Variants in NELL1 observed in about 807,000 individuals in gnomAD.
The protein encoded by NELL1 is protein kinase C-binding protein NELL1.
NELL1 carries 76 observed loss-of-function variants against 107.4 expected under a neutral mutation model. The ratio of observed to expected loss-of-function variants is 0.71; its 90% CI spans 0.59 to 0.86. The LOEUF (loss-of-function observed/expected upper bound fraction) is 0.86. Ranked by LOEUF, NELL1 falls within the 40% of genes least tolerant of loss-of-function variation. NELL1 has a pLI of 0.00. For synonymous variants in NELL1, 353 were observed against 341.2 expected, an observed-to-expected ratio of 1.03 and a Z score of -0.38; for missense variants, 1,024 against 1,005.5, an observed-to-expected ratio of 1.02 and a Z score of -0.25.
intron 14 of NELL1, among the ~76,000 whole-genome samples, chr11:21,364,563 T>C (rs1052311382): frequency 2.6e-5 from 4 of 152,136 alleles, no homozygotes; most frequent in African/African-American, 9.7e-5. Flanking sequence ...TTATAAATGA[T>C]ATAGAATAGA....
chr11:21,445,412 C>T (rs777690964), intron 15 of NELL1, among the ~76,000 whole-genome samples: 7 of 152,150 alleles, frequency 4.6e-5, no homozygotes, highest in Admixed American at 2.6e-4. Flanking sequence ...CCACAACCTC[C>T]GCCTCCCAGG....
At chr11:20,757,269 C>T (rs1054914001) in intron 2 of NELL1, among the ~76,000 whole-genome samples, 1 of 151,796 alleles carries the variant, frequency 6.6e-6, no homozygotes, top group Non-Finnish European at 1.5e-5. Flanking sequence ...CCACTATTTC[C>T]AAAATTTTTT....
chr11:21,027,432 C>A (rs1050184732), intron 12 of NELL1, among the ~76,000 whole-genome samples: 2 of 151,872 alleles, frequency 1.3e-5, no homozygotes, highest in African/African-American at 4.8e-5. Context: ...TGATTATTAA[C>A]AAAGGTAAAT....
At chr11:20,718,590 G>C (rs2133905377) in intron 2 of NELL1, among the ~76,000 whole-genome samples, 1 of 152,238 alleles carries the variant, frequency 6.6e-6, no homozygotes, top group South Asian at 2.1e-4. Flanking sequence ...TTGCTCTCAA[G>C]GGTCTTCCTC....
chr11:21,481,720 T>G (rs958945351), intron 15 of NELL1, among the ~76,000 whole-genome samples: 2 of 152,216 alleles, frequency 1.3e-5, no homozygotes, highest in African/African-American at 4.8e-5. Context: ...TCACAGCATC[T>G]GCTGCTGACT....
intron 13 of NELL1, among the ~76,000 whole-genome samples, chr11:21,147,166 C>A (rs976948874): frequency 4.6e-5 from 7 of 152,118 alleles, no homozygotes; most frequent in African/African-American, 1.7e-4. Flanking sequence ...GATAGTAGTT[C>A]CGTGGGGGAT....
intron 11 of NELL1, among the ~76,000 whole-genome samples, chr11:20,947,801 G>T (rs1850994421): frequency 1.3e-5 from 2 of 152,046 alleles, no homozygotes; most frequent in Admixed American, 1.3e-4. Flanking sequence ...GAGTGAGATT[G>T]GGAAGCATTC....
intron 13 of NELL1, among the ~76,000 whole-genome samples, chr11:21,135,165 A>C (rs1461990008): frequency 3.3e-5 from 5 of 152,202 alleles, no homozygotes; most frequent in African/African-American, 1.2e-4. Context: ...TCTTAAACTC[A>C]CAGAGTTCCT....
intron 12 of NELL1, among the ~76,000 whole-genome samples, chr11:21,110,012 T>G (rs1003307027): frequency 6.6e-6 from 1 of 152,128 alleles, no homozygotes; most frequent in African/African-American, 2.4e-5. Context: ...TTCTTTTATC[T>G]TCTTGTTTCA....
At chr11:20,898,629 T>A (rs995105410) in intron 5 of NELL1, among the ~76,000 whole-genome samples, 8 of 151,884 alleles carry the variant, frequency 5.3e-5, no homozygotes, top group South Asian at 4.1e-4. Context: ...TTTTTTTTTT[T>A]AAATTATGAC....
chr11:21,125,402 T>C (rs1012723250), intron 13 of NELL1, among the ~76,000 whole-genome samples: 1 of 152,182 alleles, frequency 6.6e-6, no homozygotes, highest in Non-Finnish European at 1.5e-5. Flanking sequence ...TCAGAATAAC[T>C]TGGATTCTAA....
chr11:21,459,022 A>G (rs2133869374), intron 15 of NELL1, among the ~76,000 whole-genome samples: 1 of 152,162 alleles, frequency 6.6e-6, no homozygotes, highest in African/African-American at 2.4e-5. Flanking sequence ...GAAGAACCAT[A>G]CTCAAAGTTT....
intron 14 of NELL1, among the ~76,000 whole-genome samples, chr11:21,261,466 A>T (rs767793597): frequency 6.6e-6 from 1 of 151,686 alleles, no homozygotes; most frequent in Non-Finnish European, 1.5e-5. Context: ...TTCCATTTGT[A>T]CGACTAATTA....
chr11:21,004,240 T>G (rs1300711945), intron 12 of NELL1, among the ~76,000 whole-genome samples: 1 of 152,160 alleles, frequency 6.6e-6, no homozygotes, highest in East Asian at 1.9e-4. Flanking sequence ...TAATGCTTAT[T>G]ATGTGTACTG....
rs114313229 is a variant in NELL1, at chr11:21,054,517, C to A, written c.1301-59072C>A. ...TTCTTCTTAAACCTCAGCTGATAAA[C>A]CTAATTTGTCCTCAAAAAAGTGTGT... On this transcript the variant is annotated intron_variant, in intron 12 of 19. Coordinates refer to ENST00000357134, the MANE Select transcript of NELL1 (RefSeq NM_006157.5). Among the ~76,000 whole-genome samples, 1,316 of 152,020 alleles carry A rather than the reference C, an allele frequency of 8.7e-3. 17 individuals are homozygous for A. Among genetic ancestry groups the A allele is most frequent in the African/African-American group, 0.03 (1,256 of 41,476 alleles).
intron 13 of NELL1, among the ~76,000 whole-genome samples, chr11:21,132,557 C>A (rs1409643887): frequency 6.6e-6 from 1 of 152,182 alleles, no homozygotes; most frequent in Non-Finnish European, 1.5e-5. Context: ...GGCACAGGTG[C>A]TAGCTCCGTG....
intron 14 of NELL1, among the ~76,000 whole-genome samples, chr11:21,366,938 G>T (rs930402830): frequency 6.6e-6 from 1 of 151,838 alleles, no homozygotes; most frequent in African/African-American, 2.4e-5. Context: ...AACTGCTTTT[G>T]TTGAATTGAG....
intron 5 of NELL1, among the ~76,000 whole-genome samples, chr11:20,917,276 G>A (rs1850278632): frequency 6.6e-6 from 1 of 151,922 alleles, no homozygotes; most frequent in Admixed American, 6.6e-5. Flanking sequence ...TGTGGAAGAG[G>A]TGCTGTGATC....
intron 14 of NELL1, among the ~76,000 whole-genome samples, chr11:21,305,820 A>T (rs762827592): frequency 6.6e-6 from 1 of 152,028 alleles, no homozygotes; most frequent in Non-Finnish European, 1.5e-5. Flanking sequence ...ACAAAACTAT[A>T]TAAAAGCTTT....
Sources: allele counts gnomAD v4.1 joint callset (sites outside exome capture counted in the v4.1 genomes callset), GRCh38; gene constraint gnomAD v4.1.1; transcripts MANE v1.5; gene names NCBI Gene and HGNC (gene_info 2026-07-23, HGNC 2026-07-21).